HSPA4L: variants seen among roughly 807,000 people sequenced by gnomAD.
HSPA4L encodes heat shock 70 kDa protein 4L.
A neutral mutation model predicts 100.3 loss-of-function variants in HSPA4L; 48 were observed. The observed-to-expected ratio is 0.48, with a 90% CI of 0.38 to 0.61. The LOEUF is 0.61. Ranked by LOEUF, HSPA4L falls within the 20% of genes least tolerant of loss-of-function variation. HSPA4L has a pLI of 0.00. For synonymous variants in HSPA4L, 319 were observed against 328.2 expected (o/e 0.97, Z 0.30); for missense variants, 886 against 988.6 (o/e 0.90, Z 1.39).
intron 17 of HSPA4L, among the ~76,000 whole-genome samples, chr4:127,829,875 G>A (rs1395499906): frequency 6.7e-6 from 1 of 149,390 alleles, no homozygotes; most frequent in Non-Finnish European, 1.5e-5. Context: ...TCAAGAAAAT[G>A]TGGCGACCTA....
intron 12 of HSPA4L, among the ~76,000 whole-genome samples, chr4:127,814,921 G>A (rs545777384): frequency 1.4e-4 from 21 of 152,240 alleles, no homozygotes; most frequent in Admixed American, 1.3e-4. Flanking sequence ...GTATTTGGAA[G>A]TTTAAAGACT....
In HSPA4L at chr4:127,823,616, G is replaced by A. The variant is rs1218617802; in HGVS notation, c.2038G>A (p.Glu680Lys). Residue 680 changes from glutamate to lysine, a missense_variant, in exon 16 of 19, where the codon GAA becomes AAA. Transcript: ENST00000296464. Reference sequence around the variant, plus strand: ...ACAAGTTTATGTGGATAAGCTTCAAGAACTAAAGGTACATTTTTTTAAAGT... The same window carrying A: ...ACAAGTTTATGTGGATAAGCTTCAAAAACTAAAGGTACATTTTTTTAAAGT... ...PKQVYVDKLQ[E>K]LKKYGQPIQM... 20 of 1,606,628 alleles carry A rather than the reference G, an allele frequency of 1.2e-5. No individual in the cohort carries two copies. Among genetic ancestry groups the A allele is most frequent in the East Asian group, 2.2e-5 (1 of 44,794 alleles).
chr4:127,829,998 C>CAT (rs954161945), intron 17 of HSPA4L, among the ~76,000 whole-genome samples: 8 of 151,608 alleles, frequency 5.3e-5, no homozygotes, highest in African/African-American at 1.9e-4. Context: ...TTTTTTTCTT[C>CAT]ATATATATAG....
chr4:127,782,926 C>T (rs992059707), intron 1 of HSPA4L, among the ~76,000 whole-genome samples: 17 of 152,162 alleles, frequency 1.1e-4, no homozygotes, highest in African/African-American at 4.1e-4. Flanking sequence ...CGTCCCCTGC[C>T]TCGTGCCGCT....
At position 127,797,378 on chromosome 4, in the gene HSPA4L, A is replaced by G. The variant is rs996008793; in HGVS notation, c.307-1209A>G. 4.6e-5 allele frequency among the ~76,000 whole-genome samples: 7 copies of G among 152,250 alleles called. No individual in the cohort carries two copies. The South Asian group carries it at 1.5e-3, about 32-fold the overall frequency. The stretch of plus-strand genomic sequence containing the variant: ...GAAAATTAATAGATCAGGCTTTGAG[A>G]ATAGGCTGAGAAAAACAGAATAATG... On this transcript the variant is annotated intron_variant, in intron 3 of 18. Coordinates refer to ENST00000296464, the MANE Select transcript of HSPA4L (RefSeq NM_014278.4).
chr4:127,806,511 T>A (rs184428467), intron 10 of HSPA4L, among the ~76,000 whole-genome samples: 1 of 152,114 alleles, frequency 6.6e-6, no homozygotes, highest in Admixed American at 6.5e-5. Flanking sequence ...TTCATGAGAT[T>A]GCCTCTTTTA....
chr4:127,817,901 A>C (rs967057995), intron 12 of HSPA4L, among the ~76,000 whole-genome samples: 7 of 152,026 alleles, frequency 4.6e-5, no homozygotes, highest in Non-Finnish European at 1.0e-4. Flanking sequence ...AGAACATGCA[A>C]GTTTGTTACA....
At chr4:127,803,948 G>T in intron 7 of HSPA4L, 63 bp from the exon 8 acceptor site, 1 of 1,608,026 alleles carries the variant, frequency 6.2e-7, no homozygotes, top group Non-Finnish European at 8.5e-7. Flanking sequence ...TTTGTTTGTT[G>T]TTTTAGAAGA....
At chr4:127,817,223 G>A (rs967111566) in intron 12 of HSPA4L, among the ~76,000 whole-genome samples, 2 of 151,958 alleles carry the variant, frequency 1.3e-5, no homozygotes, top group Admixed American at 6.6e-5. Flanking sequence ...GCACCACCAT[G>A]CCTGGCTAAT....
upstream of HSPA4L, chr4:127,782,167 C>T: frequency 2.3e-6 from 1 of 432,750 alleles, no homozygotes; most frequent in Non-Finnish European, 4.6e-6. Context: ...GAACCCGCAG[C>T]TTCTTGGGCA....
At position 127,795,838 on chromosome 4, in the gene HSPA4L, T is replaced by C. The variant is rs762409065; in HGVS notation, c.236T>C (p.Ile79Thr). 3 of 1,613,742 alleles carry C rather than the reference T, an allele frequency of 1.9e-6. No individual in the cohort carries two copies. Among genetic ancestry groups the C allele is most frequent in the East Asian group, 2.2e-5 (1 of 44,848 alleles). ...KLHGRSFDDPIVQTERIRLPY... is the reference protein window; with the variant it reads ...KLHGRSFDDPTVQTERIRLPY... Reference sequence around the variant, plus strand: ...CATGGGCGATCATTTGATGATCCCATTGTGCAAACTGAAAGGATCAGGCTT... The same window carrying C: ...CATGGGCGATCATTTGATGATCCCACTGTGCAAACTGAAAGGATCAGGCTT... Residue 79 changes from isoleucine to threonine, a missense_variant, in exon 3 of 19, where the codon ATT (isoleucine) becomes ACT (threonine). By Grantham distance (89) the Ile-to-Thr change is moderately conservative. Coordinates refer to ENST00000296464, the MANE Select transcript of HSPA4L (RefSeq NM_014278.4).
intron 17 of HSPA4L, 71 bp from the exon 18 acceptor site, chr4:127,830,567 A>G: frequency 8.0e-7 from 1 of 1,249,638 alleles, no homozygotes; most frequent in Non-Finnish European, 1.1e-6. Context: ...TTTTTAAAGT[A>G]GAAATTACTA....
At position 127,840,438 on chromosome 4, in the gene HSPA4L, A is replaced by ATT. The variant is rs1578732599; in HGVS notation, c.*7565_*7566dup. On this transcript the variant is annotated 3_prime_UTR_variant, in exon 19 of 19. Transcript: ENST00000296464. The stretch of plus-strand genomic sequence containing the variant: ...CAAGTGTGATGTTTCTATAAAAATA[A>ATT]TTGAGATTCACATGTAATAGACCCT... 1.3e-5 allele frequency: 2 copies of ATT among 152,206 alleles called. No individual in the cohort carries two copies. The highest frequency in any genetic ancestry group is 4.8e-5 in the African/African-American group (2 of 41,454). 9.4% of individuals were successfully genotyped at this position (152,206 alleles called of 1,614,324 possible).
intron 1 of HSPA4L, among the ~76,000 whole-genome samples, chr4:127,792,027 T>C (rs1560651796): frequency 6.6e-6 from 1 of 152,216 alleles, no homozygotes; most frequent in Non-Finnish European, 1.5e-5. Flanking sequence ...TTTAACTGTT[T>C]GCTTTCTCTG....
Position 127,782,487 on chromosome 4 carries a change from A to G in HSPA4L, c.-64A>G. 1 of 1,357,560 alleles carries G rather than the reference A, an allele frequency of 7.4e-7. No homozygotes were observed. Among genetic ancestry groups the G allele is most frequent in the South Asian group, 1.2e-5 (1 of 84,512 alleles). 84.1% of individuals were successfully genotyped at this position (1,357,560 alleles called of 1,614,324 possible). A position where few individuals can be genotyped will look rare whatever the true frequency, so the allele number is the denominator to read the frequency against. Reference sequence around the variant, plus strand: ...GTCGCAATCCCAGCAGCAATAGCCCAGAAGAGGACACGGTTCCCGTACCGA... The same window carrying G: ...GTCGCAATCCCAGCAGCAATAGCCCGGAAGAGGACACGGTTCCCGTACCGA... On this transcript the variant is annotated 5_prime_UTR_variant, in exon 1 of 19. Coordinates refer to ENST00000296464, the MANE Select transcript of HSPA4L (RefSeq NM_014278.4).
At chr4:127,798,748 T>C in intron 4 of HSPA4L, 39 bp downstream of exon 4, 1 of 1,587,440 alleles carries the variant, frequency 6.3e-7, no homozygotes, top group Non-Finnish European at 8.6e-7. Context: ...TTGAATTATA[T>C]TTTACAGTGT....
At chr4:127,799,406 A>G (rs1385654509) in intron 4 of HSPA4L, among the ~76,000 whole-genome samples, 1 of 152,180 alleles carries the variant, frequency 6.6e-6, no homozygotes, top group African/African-American at 2.4e-5. Flanking sequence ...GGTACTATTT[A>G]TAGGCATTTT....
chr4:127,796,060 C>A, intron 3 of HSPA4L, 152 bp downstream of exon 3: 1 of 620,484 alleles, frequency 1.6e-6, no homozygotes, highest in Non-Finnish European at 2.6e-6. Flanking sequence ...TTAGTGAATG[C>A]CAGGAGATCT....
At position 127,808,025 on chromosome 4, in the gene HSPA4L, C is replaced by G; in HGVS notation, c.1274C>G (p.Pro425Arg). The G allele has an allele frequency of 1.2e-6, 2 of 1,612,386 alleles. No individual in the cohort carries two copies. Among genetic ancestry groups the G allele is most frequent in the Non-Finnish European group, 1.7e-6 (2 of 1,179,302 alleles). The change falls in exon 11 of 19, where the codon CCT becomes CGT. Residue 425 changes from proline to arginine, a missense_variant. By Grantham distance (103) the Pro-to-Arg change is moderately radical (BLOSUM62 -2). Transcript: ENST00000296464. ...TGTGAAGTTTTCTGTAAGAACCATC[C>G]TGCCCCATTCTCAAAAGTCATTACT... ...GECEVFCKNH[P>R]APFSKVITFH...
Sources: allele counts gnomAD v4.1 joint callset (sites outside exome capture counted in the v4.1 genomes callset), GRCh38; gene constraint gnomAD v4.1.1; transcripts MANE v1.5; gene names NCBI Gene and HGNC (gene_info 2026-07-23, HGNC 2026-07-21).